The following ZNF385D variants were observed in gnomAD, a reference collection of about 807,000 sequenced individuals.
ZNF385D encodes the protein zinc finger protein 659.
ZNF385D carries 15 observed loss-of-function variants against 35.8 expected under a neutral mutation model. The ratio of observed to expected loss-of-function variants is 0.42; its 90% CI spans 0.28 to 0.64. The LOEUF is 0.64. Among genes scored for constraint, ZNF385D ranks in the 30% least tolerant of loss-of-function variants. The pLI, the probability that ZNF385D is intolerant of heterozygous loss-of-function variation, is 0.23. For synonymous variants in ZNF385D, 212 were observed against 186.8 expected (o/e 1.13, Z -1.10); for missense variants, 474 against 494.6 (o/e 0.96, Z 0.39).
chr3:21,868,749 G>A (rs1697519850), intron 3 of ZNF385D, among the ~76,000 whole-genome samples: 1 of 152,078 alleles, frequency 6.6e-6, no homozygotes, highest in African/African-American at 2.4e-5. Flanking sequence ...CTATTTTCCA[G>A]CATCTAAATA....
At chr3:22,181,502 C>G (rs1040692071) in intron 2 of ZNF385D, among the ~76,000 whole-genome samples, 7 of 151,988 alleles carry the variant, frequency 4.6e-5, no homozygotes, top group African/African-American at 1.7e-4. Context: ...CGAGACCATG[C>G]TGGCGAACAC....
At chr3:21,706,855 A>ATAGATAGATAG (rs879552068) in intron 1 of ZNF385D, among the ~76,000 whole-genome samples, 23 of 144,226 alleles carry the variant, frequency 1.6e-4, no homozygotes, top group African/African-American at 6.1e-4. Flanking sequence ...TAGATAGATA[A>ATAGATAGATAG]ATAGATTAGA....
chr3:22,261,217 G>C (rs748472141), intron 2 of ZNF385D, among the ~76,000 whole-genome samples: 23 of 151,844 alleles, frequency 1.5e-4, no homozygotes, highest in Admixed American at 9.9e-4. Flanking sequence ...TAAGGGGTGA[G>C]ACCAGACCTC....
rs549561701 is a variant in ZNF385D at position 21,496,970 on chromosome 3, T to A, written c.439+13891A>T. On this transcript the variant is annotated intron_variant, in intron 4 of 7. Transcript: ENST00000281523. ...TACTGAATGGGCAAAGCTGGAAGAA[T>A]TACCCTTGAGAACCGAAACAAGACA... Among the ~76,000 whole-genome samples, 12 of 152,138 alleles carry A rather than the reference T, an allele frequency of 7.9e-5. No homozygotes were observed. The East Asian group carries it at 2.3e-3, about 29-fold the overall frequency.
rs536202483 is a variant in ZNF385D, at chr3:21,484,107, T to A, written c.439+26754A>T. On this transcript the variant is annotated intron_variant, in intron 4 of 7. Coordinates refer to ENST00000281523, the MANE Select transcript of ZNF385D (RefSeq NM_024697.3). The stretch of plus-strand genomic sequence containing the variant: ...CCAAATAATATATGAATAGCAGATA[T>A]AAGGAGCAGTCATGCCTACCTAGGG... Among the ~76,000 whole-genome samples, 8 of 152,260 alleles carry A rather than the reference T, an allele frequency of 5.3e-5. No homozygotes were observed. In the East Asian group the frequency reaches 1.2e-3, roughly 22 times the overall value.
chr3:22,025,357 A>G (rs538297983), intron 3 of ZNF385D, among the ~76,000 whole-genome samples: 26 of 152,246 alleles, frequency 1.7e-4, no homozygotes, highest in African/African-American at 5.5e-4. Context: ...ACCTATAACT[A>G]AAGTCCTAGA....
chr3:22,320,076 G>T (rs62247273), intron 2 of ZNF385D, among the ~76,000 whole-genome samples: 2 of 150,436 alleles, frequency 1.3e-5, no homozygotes, highest in African/African-American at 4.9e-5. Flanking sequence ...TTTTTTTAAG[G>T]AGTACATAGG....
intron 2 of ZNF385D, among the ~76,000 whole-genome samples, chr3:22,357,637 G>T (rs552078352): frequency 6.6e-5 from 10 of 151,934 alleles, no homozygotes; most frequent in African/African-American, 2.4e-4. Flanking sequence ...TGTTCCTTCA[G>T]TATATTCATA....
At chr3:21,714,949 G>A (rs1453146199) in intron 1 of ZNF385D, among the ~76,000 whole-genome samples, 7 of 152,070 alleles carry the variant, frequency 4.6e-5, no homozygotes, top group East Asian at 1.9e-4. Context: ...CCCTCTGCCC[G>A]ATGCCCTTGG....
chr3:21,630,076 A>G (rs2065239460), intron 2 of ZNF385D, among the ~76,000 whole-genome samples: 1 of 152,110 alleles, frequency 6.6e-6, no homozygotes, highest in Non-Finnish European at 1.5e-5. Context: ...TAACCATTTG[A>G]TACAGAGGAA....
At chr3:21,677,617 A>G (rs1332425578) in intron 1 of ZNF385D, among the ~76,000 whole-genome samples, 1 of 152,046 alleles carries the variant, frequency 6.6e-6, no homozygotes, top group Non-Finnish European at 1.5e-5. Flanking sequence ...CAATTAGAGT[A>G]AAATATTCTG....
Position 21,607,755 on chromosome 3 carries a change from G to C in ZNF385D, c.166-43071C>G, listed in dbSNP as rs141015108. On this transcript the variant is annotated intron_variant, in intron 2 of 7. Transcript: ENST00000281523. The stretch of plus-strand genomic sequence containing the variant: ...GTTGGGACAGGAAAAGCTAGTAAGA[G>C]AGACAGAGGAGGACAACTGCACATC... Among the ~76,000 whole-genome samples the C allele has an allele frequency of 1.3e-3, 205 of 152,284 alleles. 1 individual carries two copies. The highest frequency in any genetic ancestry group is 0.013 in the South Asian group (64 of 4,828).
chr3:21,906,230 C>T (rs1270203174), intron 3 of ZNF385D, among the ~76,000 whole-genome samples: 1 of 152,152 alleles, frequency 6.6e-6, no homozygotes, highest in African/African-American at 2.4e-5. Flanking sequence ...GCTGAAATGT[C>T]ATTATCAACC....
At chr3:22,049,068 G>A (rs915202580) in intron 3 of ZNF385D, among the ~76,000 whole-genome samples, 1 of 151,956 alleles carries the variant, frequency 6.6e-6, no homozygotes, top group Admixed American at 6.6e-5. Context: ...AGGCCTATGT[G>A]GGTGGATAAT....
At chr3:22,144,000 T>A (rs894241251) in intron 3 of ZNF385D, among the ~76,000 whole-genome samples, 38 of 152,184 alleles carry the variant, frequency 2.5e-4, no homozygotes, top group African/African-American at 9.2e-4. Flanking sequence ...TTTCATGTTA[T>A]CTTTGATTTT....
intron 3 of ZNF385D, among the ~76,000 whole-genome samples, chr3:21,518,486 G>A (rs1335998820): frequency 1.3e-5 from 2 of 152,068 alleles, no homozygotes; most frequent in African/African-American, 4.8e-5. Context: ...GATCCAGTTT[G>A]CAAGGGCTAG....
At chr3:22,072,533 T>A (rs1271462545) in intron 3 of ZNF385D, among the ~76,000 whole-genome samples, 1 of 152,004 alleles carries the variant, frequency 6.6e-6, no homozygotes, top group African/African-American at 2.4e-5. Flanking sequence ...TTTTCTTCTA[T>A]GGAGATTGGT....
intron 5 of ZNF385D, among the ~76,000 whole-genome samples, chr3:21,433,341 A>G (rs902295854): frequency 6.6e-6 from 1 of 152,176 alleles, no homozygotes; most frequent in East Asian, 1.9e-4. Context: ...TACAGACCCT[A>G]TTTTATGTAT....
chr3:21,925,699 C>A (rs1413487288), intron 3 of ZNF385D, among the ~76,000 whole-genome samples: 1 of 152,054 alleles, frequency 6.6e-6, no homozygotes, highest in African/African-American at 2.4e-5. Context: ...CCTACAGACT[C>A]TGAGAAAATA....
Sources: allele counts gnomAD v4.1 joint callset (sites outside exome capture counted in the v4.1 genomes callset), GRCh38; gene constraint gnomAD v4.1.1; transcripts MANE v1.5; gene names NCBI Gene and HGNC (gene_info 2026-07-23, HGNC 2026-07-21).